Variants in CDK6 observed in about 807,000 individuals in gnomAD.
The protein encoded by CDK6 is cyclin dependent kinase 6, also known as cyclin-dependent kinase 6.
A neutral mutation model predicts 37.1 loss-of-function variants in CDK6; 6 were observed. That is an observed-to-expected ratio of 0.16 (90% CI 0.09 to 0.32). The LOEUF is 0.32. CDK6 is among the 10% of genes least tolerant of loss of function. The pLI is 1.00. For synonymous variants in CDK6, 160 were observed against 161.3 expected, an observed-to-expected ratio of 0.99 and a Z score of 0.06; for missense variants, 224 against 418.9, an observed-to-expected ratio of 0.53 and a Z score of 4.06.
intron 2 of CDK6, among the ~76,000 whole-genome samples, chr7:92,778,762 C>T (rs1799909459): frequency 6.6e-6 from 1 of 151,804 alleles, no homozygotes; most frequent in African/African-American, 2.4e-5. Context: ...AAACACAGAG[C>T]TGTTTCATAC....
intron 4 of CDK6, among the ~76,000 whole-genome samples, chr7:92,682,088 T>C (rs1279446376): frequency 1.3e-5 from 2 of 152,170 alleles, no homozygotes; most frequent in Non-Finnish European, 2.9e-5. Flanking sequence ...ATCGAGAGCA[T>C]GTCCTCTCCT....
rs770127111 is a variant in CDK6 at position 92,615,098 on chromosome 7, G to A, written c.*42C>T. The A allele has an allele frequency of 2.5e-6, 4 of 1,609,428 alleles. No individual in the cohort carries two copies. The highest frequency in any genetic ancestry group is 2.7e-5 in the African/African-American group (2 of 74,892). On this transcript the variant is annotated 3_prime_UTR_variant, in exon 8 of 8. Transcript: ENST00000424848. ...CTGAGGGGGACCCATAAGCCACCAA[G>A]GGTGTTCTCCGCAGGATCAGCTTAA...
At chr7:92,638,256 T>C (rs1222133719) in intron 5 of CDK6, among the ~76,000 whole-genome samples, 1 of 152,228 alleles carries the variant, frequency 6.6e-6, no homozygotes, top group Non-Finnish European at 1.5e-5. Flanking sequence ...AAATAAATGA[T>C]GTATTTCAAA....
chr7:92,710,682 G>A (rs2116679487), intron 4 of CDK6: 1 of 984,556 alleles, frequency 1.0e-6, no homozygotes. Flanking sequence ...TTAAACAAAG[G>A]AGACCAAAGC....
At chr7:92,783,051 A>C (rs1177515986) in intron 2 of CDK6, among the ~76,000 whole-genome samples, 1 of 152,286 alleles carries the variant, frequency 6.6e-6, no homozygotes, top group East Asian at 1.9e-4. Context: ...AACCAGATCA[A>C]TCCATCCTTC....
At chr7:92,732,260 A>T (rs923720929) in intron 3 of CDK6, among the ~76,000 whole-genome samples, 1 of 152,128 alleles carries the variant, frequency 6.6e-6, no homozygotes, top group African/African-American at 2.4e-5. Context: ...TCTACAAAAA[A>T]CAAAAAATTA....
In CDK6 at chr7:92,706,450, T is replaced by C. The variant is rs1797968086; in HGVS notation, c.537+19176A>G. Among the ~76,000 whole-genome samples the C allele has an allele frequency of 2.0e-5, 3 of 152,158 alleles. No individual in the cohort carries two copies. The South Asian group carries it at 6.2e-4, about 32-fold the overall frequency. On this transcript the variant is annotated intron_variant, in intron 4 of 7. Coordinates refer to ENST00000424848, the MANE Select transcript of CDK6 (RefSeq NM_001145306.2). ...CAGTAGGGAAAGAAATTTACTTTCA[T>C]AATTAATGAGCTGTTACTTTCCAGT...
intron 2 of CDK6, among the ~76,000 whole-genome samples, chr7:92,794,788 G>T (rs992182244): frequency 6.6e-6 from 1 of 152,084 alleles, no homozygotes; most frequent in Admixed American, 6.6e-5. Flanking sequence ...TGTCCTATAA[G>T]AGAGTGTACT....
At chr7:92,702,751 TC>T (rs1231554570) in intron 4 of CDK6, among the ~76,000 whole-genome samples, 1 of 152,134 alleles carries the variant, frequency 6.6e-6, no homozygotes, top group African/African-American at 2.4e-5. Context: ...GACCTCTGAA[TC>T]CCAGGTAAGT....
chr7:92,653,153 T>C (rs1164039983), intron 5 of CDK6, among the ~76,000 whole-genome samples: 4 of 152,202 alleles, frequency 2.6e-5, no homozygotes, highest in Non-Finnish European at 5.9e-5. Context: ...ATTCAAACAT[T>C]TTTCCAAATG....
chr7:92,672,051 T>C (rs914962773), intron 4 of CDK6, among the ~76,000 whole-genome samples: 11 of 148,362 alleles, frequency 7.4e-5, no homozygotes, highest in African/African-American at 2.8e-4. Flanking sequence ...ACTACCTGGG[T>C]GATGGGGGCA....
At chr7:92,710,167 A>C (rs533831599) in intron 4 of CDK6, among the ~76,000 whole-genome samples, 1 of 152,092 alleles carries the variant, frequency 6.6e-6, no homozygotes, top group African/African-American at 2.4e-5. Flanking sequence ...GCATAACCTG[A>C]TTTTCTTTTG....
chr7:92,678,801 TC>T (rs1468248194), intron 4 of CDK6, among the ~76,000 whole-genome samples: 1 of 152,198 alleles, frequency 6.6e-6, no homozygotes, highest in Admixed American at 6.5e-5. Context: ...GCCTCCAGTT[TC>T]TTACTGGCTT....
chr7:92,630,542 C>T (rs1796027980), intron 5 of CDK6, among the ~76,000 whole-genome samples: 1 of 152,052 alleles, frequency 6.6e-6, no homozygotes, highest in Non-Finnish European at 1.5e-5. Flanking sequence ...AGTCAAACTT[C>T]GGAAGCTATA....
In CDK6 at chr7:92,609,834, A is replaced by G; in HGVS notation, c.*5306T>C. The G allele has an allele frequency of 4.3e-6, 1 of 230,542 alleles. No homozygotes were observed. Among genetic ancestry groups the G allele is most frequent in the Non-Finnish European group, 8.6e-6 (1 of 116,372 alleles). The allele number at this position is 230,542 out of a possible 1,614,324, so 14.3% of individuals were successfully genotyped here. A position where few individuals can be genotyped will look rare whatever the true frequency, so the allele number is the denominator to read the frequency against. ...AAATTTTTTCTTGACTGAATGAATG[A>G]CTAGGCTTTCTTTACTTAAATGATC... On this transcript the variant is annotated 3_prime_UTR_variant, in exon 8 of 8. Transcript: ENST00000424848.
chr7:92,792,648 G>C (rs578047640), intron 2 of CDK6, among the ~76,000 whole-genome samples: 38 of 152,142 alleles, frequency 2.5e-4, no homozygotes, highest in Middle Eastern at 6.8e-3. Context: ...AGTTTGAAAT[G>C]AGTTTCACGT....
chr7:92,752,472 T>C (rs1268359133), intron 3 of CDK6, among the ~76,000 whole-genome samples: 2 of 152,202 alleles, frequency 1.3e-5, no homozygotes, highest in East Asian at 3.8e-4. Context: ...TGAAATGCTA[T>C]ACCAAATGCT....
At chr7:92,720,393 C>T (rs969483963) in intron 4 of CDK6, among the ~76,000 whole-genome samples, 1 of 152,130 alleles carries the variant, frequency 6.6e-6, no homozygotes, top group African/African-American at 2.4e-5. Flanking sequence ...AAGCCATTTA[C>T]AATCTATTTG....
chr7:92,776,263 T>C (rs1423033286), intron 2 of CDK6, among the ~76,000 whole-genome samples: 2 of 152,366 alleles, frequency 1.3e-5, no homozygotes, highest in South Asian at 2.1e-4. Context: ...GAGTGCATAG[T>C]ATTCCATGGT....
Sources: gnomAD v4.1 joint callset for allele counts (sites outside exome capture counted in the v4.1 genomes callset) on GRCh38, gnomAD v4.1.1 for gene constraint, MANE v1.5 for transcripts, NCBI Gene and HGNC (gene_info 2026-07-23, HGNC 2026-07-21) for gene names.